Variants in RBPJ observed in about 807,000 individuals in gnomAD.
RBPJ encodes recombining binding protein suppressor of hairless.
In RBPJ, 9 loss-of-function variants were observed where a neutral mutation model predicts 67.8. That is an observed-to-expected ratio of 0.13 (90% CI 0.08 to 0.23). RBPJ has a LOEUF of 0.23. Ranked by LOEUF, RBPJ falls within the 10% of genes least tolerant of loss-of-function variation. RBPJ has a pLI of 1.00. For synonymous variants in RBPJ, 198 were observed against 203.3 expected (o/e 0.97, Z 0.22); for missense variants, 305 against 595.6 (o/e 0.51, Z 5.08).
chr4:26,309,118 T>G (rs1323975080), intron 1 of RBPJ, among the ~76,000 whole-genome samples: 6 of 151,728 alleles, frequency 4.0e-5, no homozygotes, highest in Non-Finnish European at 7.4e-5. Context: ...ACTTGCAGCC[T>G]TGGCCTCCTG....
intron 1 of RBPJ, among the ~76,000 whole-genome samples, chr4:26,225,877 G>A (rs1478231226): frequency 6.6e-6 from 1 of 152,114 alleles, no homozygotes; most frequent in Non-Finnish European, 1.5e-5. Context: ...GCCAGGCATG[G>A]TGGCTCATGC....
Position 26,335,788 on chromosome 4 carries a change from A to AT in RBPJ, c.20+14748dup, listed in dbSNP as rs1242241125. 1.3e-5 allele frequency among the ~76,000 whole-genome samples: 2 copies of AT among 149,478 alleles called. 1 individual carries two copies. The highest frequency in any genetic ancestry group is 4.3e-4 in the South Asian group (2 of 4,658). ...GGCATGCACCACCTACGCCCGGCTA[A>AT]TTTTTTTTGTATTTTCAGTAGAGAT... On this transcript the variant is annotated intron_variant, in intron 1 of 10. Coordinates refer to ENST00000355476, the MANE Select transcript of RBPJ (RefSeq NM_015874.6).
At chr4:26,243,538 C>A (rs1719720668) in intron 1 of RBPJ, among the ~76,000 whole-genome samples, 1 of 152,124 alleles carries the variant, frequency 6.6e-6, no homozygotes, top group South Asian at 2.1e-4. Context: ...TGAAATAGAT[C>A]AACATTTGGA....
At chr4:26,108,579 T>G in the RBPJ span, among the ~76,000 whole-genome samples, 1 of 152,226 alleles carries the variant, frequency 6.6e-6, no homozygotes, top group Non-Finnish European at 1.5e-5. Flanking sequence ...CTCTCTGCAT[T>G]TTGTAAAATG....
At chr4:26,210,688 T>TTTCCTTCTTTCC (rs1718362251) in intron 1 of RBPJ, among the ~76,000 whole-genome samples, 1 of 70,100 alleles carries the variant, frequency 1.4e-5, no homozygotes, top group African/African-American at 5.4e-5. Context: ...CTTTCTTTCC[T>TTTCCTTCTTTCC]TTCTTTCTTT....
Position 26,434,856 on chromosome 4 carries a change from C to T in RBPJ, c.*3849C>T, listed in dbSNP as rs999088675. The T allele has an allele frequency of 1.9e-4, 29 of 152,160 alleles. No homozygotes were observed. The highest frequency in any genetic ancestry group is 7.0e-4 in the African/African-American group (29 of 41,408). The allele number at this position is 152,160 out of a possible 1,614,324, so 9.4% of individuals were successfully genotyped here. A position where few individuals can be genotyped will look rare whatever the true frequency, so the allele number is the denominator to read the frequency against. ...GAATCTGCTCAGTTCCATATTTCAT[C>T]CGTGAAAAACTTGCAATACGAGCAG... On this transcript the variant is annotated 3_prime_UTR_variant, in exon 11 of 11. Coordinates refer to ENST00000355476, the MANE Select transcript of RBPJ (RefSeq NM_015874.6).
At chr4:26,364,632 T>C (rs1240646193) in intron 1 of RBPJ, among the ~76,000 whole-genome samples, 1 of 150,344 alleles carries the variant, frequency 6.7e-6, no homozygotes, top group East Asian at 1.9e-4. Context: ...TTTCTTTTTT[T>C]TTTTTTTTTC....
upstream of RBPJ, chr4:26,320,543 C>A: frequency 1.9e-6 from 1 of 513,792 alleles, no homozygotes; most frequent in African/African-American, 2.0e-5. Context: ...CCAGAGTGAG[C>A]GGGAAGCCGC....
intron 1 of RBPJ, among the ~76,000 whole-genome samples, chr4:26,348,764 C>T (rs1018067742): frequency 1.3e-5 from 2 of 151,850 alleles, no homozygotes; most frequent in Non-Finnish European, 2.9e-5. Flanking sequence ...AGCGCAGTGG[C>T]GTGATCATAG....
At position 26,349,087 on chromosome 4, in the gene RBPJ, T is replaced by TGTGTGC. The variant is rs1553867463; in HGVS notation, c.20+28040_20+28041insTGTGCG. Reference sequence around the variant, plus strand: ...CATCACAAGTTTGTGTGTGTGTGTGTGCGCGCGCGCACGCACTTGCCAGGC... The same window carrying TGTGTGC: ...CATCACAAGTTTGTGTGTGTGTGTGTGTGTGCGCGCGCGCGCACGCACTTGCCAGGC... On this transcript the variant is annotated intron_variant, in intron 1 of 10. Transcript: ENST00000355476. Among the ~76,000 whole-genome samples, 16 of 67,652 alleles carry TGTGTGC rather than the reference T, an allele frequency of 2.4e-4. 1 individual carries two copies. The highest frequency in any genetic ancestry group is 6.8e-4 in the African/African-American group (16 of 23,668). The allele number at this position is 67,652 out of a possible 152,430, so 44.4% of individuals were successfully genotyped here. A position where few individuals can be genotyped will look rare whatever the true frequency, so the allele number is the denominator to read the frequency against.
Position 26,292,176 on chromosome 4 carries a change from A to G in RBPJ, c.-166-70270A>G, listed in dbSNP as rs1445139810. The stretch of plus-strand genomic sequence containing the variant: ...TATATTTAGTCTCCAGAACTTACTC[A>G]TCTTATAACTGAAAGTTTGTACATT... On this transcript the variant is annotated intron_variant, in intron 1 of 4. Transcript: ENST00000512351. 2.7e-5 allele frequency among the ~76,000 whole-genome samples: 4 copies of G among 150,640 alleles called. 1 individual carries two copies. Among genetic ancestry groups the G allele is most frequent in the African/African-American group, 9.8e-5 (4 of 40,906 alleles).
rs1477238005 is a variant in RBPJ at position 26,403,295 on chromosome 4, A to G, written c.60-2880A>G. ...TTTAAAGATTTTACTACACGCTACC[A>G]CTTTTTTTATACTTAAAGGTTTAAT... On this transcript the variant is annotated intron_variant, in intron 2 of 10. Transcript: ENST00000355476. 4.0e-5 allele frequency among the ~76,000 whole-genome samples: 6 copies of G among 150,842 alleles called. No individual in the cohort carries two copies. In the East Asian group the frequency reaches 7.8e-4, roughly 20 times the overall value.
the RBPJ span, among the ~76,000 whole-genome samples, chr4:26,129,327 A>G: frequency 6.6e-6 from 1 of 152,244 alleles, no homozygotes; most frequent in African/African-American, 2.4e-5. Flanking sequence ...GTATCCAAAA[A>G]TATGTCCTTA....
chr4:26,318,996 C>CAAAAAAAAAAAAAAAAAAAAAA (rs201084739), upstream of RBPJ, among the ~76,000 whole-genome samples: 1 of 83,866 alleles, frequency 1.2e-5, no homozygotes, highest in Non-Finnish European at 2.7e-5. Flanking sequence ...GACTCCGTCT[C>CAAAAAAAAAAAAAAAAAAAAAA]AAAAAAAAAA....
chr4:26,153,537 G>A, the RBPJ span, among the ~76,000 whole-genome samples: 14 of 152,324 alleles, frequency 9.2e-5, no homozygotes, highest in South Asian at 2.5e-3. Context: ...GGTCCTCCAA[G>A]GATGAAGAGG....
rs750554052 is a variant in RBPJ, at chr4:26,430,008, T to C, written c.999T>C (p.Pro333=). 1.6e-5 allele frequency: 25 copies of C among 1,604,054 alleles called. No individual in the cohort carries two copies. The highest frequency in any genetic ancestry group is 2.6e-6 in the Non-Finnish European group (3 of 1,171,402). The change falls in exon 9 of 11, where the codon CCT becomes CCC. Residue 333 remains proline (P), a synonymous_variant. Transcript: ENST00000355476. This position sits in a 1 kb window ranked among gnomAD's most constrained non-coding sequence, Gnocchi z 4.1. The part of the protein sequence containing the change: ...AEYTFYEGMG[P]VLAPVTPVPV... ...ATACATTTTATGAGGGAATGGGCCC[T>C]GTCCTTGCCCCAGTCACTCCTGTGC...
intron 1 of RBPJ, among the ~76,000 whole-genome samples, chr4:26,223,070 G>A (rs1388313416): frequency 3.3e-5 from 5 of 151,426 alleles, no homozygotes; most frequent in South Asian, 2.1e-4. Flanking sequence ...CAGGAGAATC[G>A]TGTGAACCCG....
the RBPJ span, among the ~76,000 whole-genome samples, chr4:26,140,196 T>C: frequency 2.8e-3 from 421 of 152,214 alleles, 4 homozygotes; most frequent in Non-Finnish European, 4.3e-3. Context: ...CAGCCTTGAT[T>C]GGCATCCCCT....
intron 1 of RBPJ, among the ~76,000 whole-genome samples, chr4:26,262,316 C>A (rs1489587509): frequency 2.0e-5 from 3 of 152,286 alleles, no homozygotes; most frequent in Middle Eastern, 3.4e-3. Context: ...CTCAAGCAAT[C>A]CTCCCACCTC....
Sources: allele counts gnomAD v4.1 joint callset (sites outside exome capture counted in the v4.1 genomes callset), GRCh38; gene constraint gnomAD v4.1.1; non-coding constraint Gnocchi (gnomAD v3.1); transcripts MANE v1.5; gene names NCBI Gene and HGNC (gene_info 2026-07-23, HGNC 2026-07-21).